Variants in DPYSL5 observed in about 807,000 individuals in gnomAD.
DPYSL5 encodes dihydropyrimidinase like 5.
In DPYSL5, 9 loss-of-function variants were observed where a neutral mutation model predicts 58.4. That is an observed-to-expected ratio of 0.15 (90% CI 0.09 to 0.27). The LOEUF is 0.27. Ranked by LOEUF, DPYSL5 falls within the 10% of genes least tolerant of loss-of-function variation. DPYSL5 has a pLI of 1.00. For missense variants in DPYSL5, 499 were observed against 770.6 expected (o/e 0.65, Z 4.17); for synonymous variants, 293 against 301.9 (o/e 0.97, Z 0.31).
chr2:26,937,907 T>C (rs940694129), intron 8 of DPYSL5, among the ~76,000 whole-genome samples: 1 of 152,154 alleles, frequency 6.6e-6, no homozygotes, highest in Admixed American at 6.5e-5. Flanking sequence ...TTTTTCATCA[T>C]GTTGCCCATG....
At chr2:26,879,133 A>G (rs773515501) in intron 1 of DPYSL5, among the ~76,000 whole-genome samples, 5 of 152,218 alleles carry the variant, frequency 3.3e-5, no homozygotes, top group Non-Finnish European at 7.3e-5. Flanking sequence ...AGCAAGCTCA[A>G]TCTGCTAATA....
At chr2:26,878,822 G>A (rs536740353) in intron 1 of DPYSL5, among the ~76,000 whole-genome samples, 15 of 152,184 alleles carry the variant, frequency 9.9e-5, no homozygotes, top group Non-Finnish European at 1.9e-4. Flanking sequence ...AAGCTAGCTT[G>A]CGCCACACAG....
intron 2 of DPYSL5, among the ~76,000 whole-genome samples, chr2:26,899,074 T>G (rs1664089184): frequency 6.6e-6 from 1 of 152,208 alleles, no homozygotes; most frequent in Admixed American, 6.5e-5. Flanking sequence ...GAGAATAAGC[T>G]GGTGTTTGTT....
chr2:26,878,927 G>A (rs1217405502), intron 1 of DPYSL5, among the ~76,000 whole-genome samples: 1 of 152,220 alleles, frequency 6.6e-6, no homozygotes, highest in Non-Finnish European at 1.5e-5. Flanking sequence ...CTTGTGAGAA[G>A]CAGTCCTCCA....
chr2:26,892,846 C>T (rs1663924383), intron 1 of DPYSL5, among the ~76,000 whole-genome samples: 1 of 151,394 alleles, frequency 6.6e-6, no homozygotes, highest in Non-Finnish European at 1.5e-5. Context: ...CTATCCACCA[C>T]CTAAGAACCA....
intron 2 of DPYSL5, among the ~76,000 whole-genome samples, chr2:26,904,116 G>A (rs151197433): frequency 4.6e-4 from 70 of 152,316 alleles, no homozygotes; most frequent in African/African-American, 1.4e-3. Flanking sequence ...AGCCAGTCTC[G>A]CAGGCTAGGG....
Position 26,927,273 on chromosome 2 carries a change from A to G in DPYSL5, c.441A>G (p.Thr147=), listed in dbSNP as rs1229488857. ...TCCAGGTGAAAGCAGAAATGGAGAC[A>G]CTGGTGAGGGAGAAGGGTGTCAACT... ...WAPKVKAEME[T]LVREKGVNSF... The change falls in exon 4 of 13, where the codon ACA becomes ACG. Residue 147 remains threonine (T), a synonymous_variant. Coordinates refer to ENST00000288699, the MANE Select transcript of DPYSL5 (RefSeq NM_020134.4). This position sits in a 1 kb window ranked among gnomAD's most constrained non-coding sequence, Gnocchi z 4.3. The G allele has an allele frequency of 1.2e-6, 2 of 1,613,838 alleles. No individual in the cohort carries two copies. The highest frequency in any genetic ancestry group is 1.7e-6 in the Non-Finnish European group (2 of 1,179,938).
intron 2 of DPYSL5, among the ~76,000 whole-genome samples, chr2:26,918,950 C>G (rs1312723282): frequency 6.6e-6 from 1 of 152,120 alleles, no homozygotes; most frequent in South Asian, 2.1e-4. Context: ...AGCAAGAGAA[C>G]CAAATCTTGT....
At position 26,948,458 on chromosome 2, in the gene DPYSL5, G is replaced by C. The variant is rs935572549; in HGVS notation, c.*1463G>C. On this transcript the variant is annotated 3_prime_UTR_variant, in exon 13 of 13. Transcript: ENST00000288699. ...CTCCAGTGATCTGGGAAGTGACCCA[G>C]CCGCCTGCCCTTGTTAAGCCTGGTC... is the stretch of plus-strand genomic sequence containing the variant. 2.0e-5 allele frequency: 3 copies of C among 152,386 alleles called. No homozygotes were observed. Among genetic ancestry groups the C allele is most frequent in the Non-Finnish European group, 4.4e-5 (3 of 68,162 alleles). 9.4% of individuals were successfully genotyped at this position (152,386 alleles called of 1,614,324 possible). A position where few individuals can be genotyped will look rare whatever the true frequency, so the allele number is the denominator to read the frequency against.
rs915012985 is a variant in DPYSL5, at chr2:26,897,826, G to A, written c.-4-670G>A. On this transcript the variant is annotated intron_variant, in intron 1 of 12. Transcript: ENST00000288699. ...AAATAAATCTGCATCTCTGGGGGTG[G>A]GGCTTGGGCATACATAGTTGTCCAA... Among the ~76,000 whole-genome samples, 6 of 152,244 alleles carry A rather than the reference G, an allele frequency of 3.9e-5. No individual in the cohort carries two copies. The East Asian group carries it at 9.6e-4, about 24-fold the overall frequency.
At chr2:26,902,410 A>G (rs1339501330) in intron 2 of DPYSL5, among the ~76,000 whole-genome samples, 1 of 152,180 alleles carries the variant, frequency 6.6e-6, no homozygotes, top group Non-Finnish European at 1.5e-5. Flanking sequence ...TTTTAAAACT[A>G]CAAGCATTCA....
rs1292526943 is a variant in DPYSL5 at position 26,924,135 on chromosome 2, T to G, written c.262-752T>G. Among the ~76,000 whole-genome samples the G allele has an allele frequency of 6.6e-6, 1 of 152,236 alleles. No homozygotes were observed. Among genetic ancestry groups the G allele is most frequent in the African/African-American group, 2.4e-5 (1 of 41,470 alleles). On this transcript the variant is annotated intron_variant, in intron 2 of 12. Transcript: ENST00000288699. This position sits in a 1 kb window ranked among gnomAD's most constrained non-coding sequence, Gnocchi z 4.7. ...TTAGTCATTTTTCCTGGGGGTTCAC[T>G]CTATGATTGCGAGTGAGGCTTTTTA...
At chr2:26,871,076 C>T (rs1047773014) in intron 1 of DPYSL5, among the ~76,000 whole-genome samples, 6 of 152,138 alleles carry the variant, frequency 3.9e-5, no homozygotes, top group Non-Finnish European at 7.3e-5. Context: ...GTCAGCAGAC[C>T]ATGTTCAGTG....
rs548360114 is a variant in DPYSL5 at position 26,875,969 on chromosome 2, A to T, written c.-4-22527A>T. On this transcript the variant is annotated intron_variant, in intron 1 of 12. Transcript: ENST00000288699. Reference sequence around the variant, plus strand: ...AGATGTAGACGTATTCATCTCTTTTATCGGTAGGTATGCAGCAGGTGCTCC... The same window carrying T: ...AGATGTAGACGTATTCATCTCTTTTTTCGGTAGGTATGCAGCAGGTGCTCC... 1.4e-4 allele frequency among the ~76,000 whole-genome samples: 21 copies of T among 152,264 alleles called. No individual in the cohort carries two copies. The South Asian group carries it at 4.4e-3, about 32-fold the overall frequency.
At chr2:26,887,042 C>T (rs1663737512) in intron 1 of DPYSL5, among the ~76,000 whole-genome samples, 1 of 152,184 alleles carries the variant, frequency 6.6e-6, no homozygotes, top group Admixed American at 6.5e-5. Flanking sequence ...CTCACCTGCC[C>T]CTTGAGGTGC....
At chr2:26,892,116 G>A (rs1663895946) in intron 1 of DPYSL5, among the ~76,000 whole-genome samples, 1 of 152,228 alleles carries the variant, frequency 6.6e-6, no homozygotes, top group Non-Finnish European at 1.5e-5. Context: ...CCTTAAGTCA[G>A]ATAGACCTAA....
chr2:26,932,215 A>AGAAAG (rs1558351761), intron 6 of DPYSL5, among the ~76,000 whole-genome samples: 2 of 146,448 alleles, frequency 1.4e-5, no homozygotes, highest in Non-Finnish European at 1.5e-5. Context: ...AAGAAAAGAA[A>AGAAAG]GAAAGAAAGA....
chr2:26,881,406 C>A (rs930488542), intron 1 of DPYSL5, among the ~76,000 whole-genome samples: 9 of 152,178 alleles, frequency 5.9e-5, no homozygotes, highest in African/African-American at 2.2e-4. Flanking sequence ...CCGGGAGTCT[C>A]AGGATCAAGG....
At chr2:26,908,546 C>G (rs922562214) in intron 2 of DPYSL5, among the ~76,000 whole-genome samples, 6 of 152,218 alleles carry the variant, frequency 3.9e-5, no homozygotes, top group Admixed American at 1.3e-4. Flanking sequence ...ATGAGGAGAT[C>G]TATCGTTTCT....
Sources: gnomAD v4.1 joint callset for allele counts (sites outside exome capture counted in the v4.1 genomes callset) on GRCh38, gnomAD v4.1.1 for gene constraint, Gnocchi (gnomAD v3.1) non-coding constraint, MANE v1.5 for transcripts, NCBI Gene and HGNC (gene_info 2026-07-23, HGNC 2026-07-21) for gene names.